The following XKRX variants were observed in gnomAD, a reference collection of about 807,000 sequenced individuals.
XKRX encodes XK-related protein 2.
Under a neutral mutation model 22.4 loss-of-function variants are expected in XKRX, and 11 were observed. That is an observed-to-expected ratio of 0.49 (90% confidence interval 0.31 to 0.81). XKRX has a LOEUF of 0.81. Among genes scored for constraint, XKRX ranks in the 40% least tolerant of loss-of-function variants. XKRX has a pLI of 0.05. For missense variants in XKRX, 320 were observed against 336.5 expected (o/e 0.95, Z 0.38); for synonymous variants, 114 against 132.2 (o/e 0.86, Z 0.94).
At position 100,914,727 on chromosome X, in the gene XKRX, C is replaced by T; in HGVS notation, c.961G>A (p.Gly321Ser). Residue 321 changes from glycine to serine, a missense_variant, in exon 3 of 3, where the codon GGC becomes AGC. Physicochemically the swap from Gly to Ser is moderately conservative, Grantham distance 56 (BLOSUM62 0). Transcript: ENST00000372956. ...GCTGACCAGCAAGAGAAGTTGATGCCAGCATAGAGGATGGTGACTGAAATC... is the reference window on the plus strand; with the variant it reads ...GCTGACCAGCAAGAGAAGTTGATGCTAGCATAGAGGATGGTGACTGAAATC... ...VLISVTILYA[G>S]INFSCWSALQ... is the part of the protein sequence containing the mutation. 8.3e-7 allele frequency: 1 copy of T among 1,211,782 alleles called. No homozygotes were observed.
At chrX:100,906,791 T>C in the XKRX span, among the ~76,000 whole-genome samples, 123 of 111,626 alleles carry the variant, frequency 1.1e-3, no homozygotes, top group Non-Finnish European at 2.1e-3. Context: ...GGAGGTTCTA[T>C]GAGAGAATAT....
At chrX:100,915,707 T>C (rs866531680) in intron 2 of XKRX, among the ~76,000 whole-genome samples, 2 of 94,873 alleles carry the variant, frequency 2.1e-5, no homozygotes, top group Non-Finnish European at 3.9e-5. Flanking sequence ...TGTGTGTGTG[T>C]GCGTGTGTGT....
the XKRX span, among the ~76,000 whole-genome samples, chrX:100,891,780 A>AAAGAAAGAAAGAAAGAAAGAAAGG: frequency 9.4e-6 from 1 of 106,193 alleles, no homozygotes; most frequent in African/African-American, 3.4e-5. Context: ...AGAAAGAAAG[A>AAAGAAAGAAAGAAAGAAAGAAAGG]AAGAAAGAAA....
At chrX:100,917,674 A>AAAAAGAAAG (rs2085448567) in intron 2 of XKRX, among the ~76,000 whole-genome samples, 1 of 25,413 alleles carries the variant, frequency 3.9e-5, no homozygotes, top group Non-Finnish European at 6.9e-5. Context: ...AGAAAGAAAG[A>AAAAAGAAAG]AAAGAAAGAA....
chrX:100,900,128 C>G, the XKRX span, among the ~76,000 whole-genome samples: 1 of 112,060 alleles, frequency 8.9e-6, no homozygotes, highest in Non-Finnish European at 1.9e-5. Context: ...GAGGCACAAT[C>G]TCAGCTCACT....
chrX:100,888,432 A>C, the XKRX span: 2 of 997,617 alleles, frequency 2.0e-6, no homozygotes, highest in Non-Finnish European at 2.8e-6. Context: ...AAGCCCCTGG[A>C]GCGCTTGGTG....
At chrX:100,949,699 A>G in the XKRX span, among the ~76,000 whole-genome samples, 1 of 111,491 alleles carries the variant, frequency 9.0e-6, no homozygotes, top group Admixed American at 9.6e-5. Context: ...ACAACACAAT[A>G]CCTAAAATGT....
In XKRX at chrX:100,914,548, A is replaced by G. The variant is rs777158842; in HGVS notation, c.1140T>C (p.His380=). ...TAATGAGCTGCAAGGCAATCAAGGA[A>G]TGACAGTAATTCAGTAACACTTTCA... ...FGVKVLLNYC[H]SLIALQLIIA... Residue 380 remains histidine (H), a synonymous_variant, in exon 3 of 3, where the codon CAT becomes CAC. Coordinates refer to ENST00000372956, the MANE Select transcript of XKRX (RefSeq NM_212559.3). 8.3e-7 allele frequency: 1 copy of G among 1,211,967 alleles called. No individual in the cohort carries two copies. The highest frequency in any genetic ancestry group is 2.2e-5 in the Admixed American group (1 of 46,060).
intron 1 of XKRX, among the ~76,000 whole-genome samples, chrX:100,923,757 G>A (rs1029519550): frequency 9.0e-6 from 1 of 110,627 alleles, no homozygotes; most frequent in African/African-American, 3.3e-5. Context: ...CCTCAAATTC[G>A]TGAGGTAAAG....
chrX:100,912,636 G>C (rs2085410867), downstream of XKRX, among the ~76,000 whole-genome samples: 1 of 111,664 alleles, frequency 9.0e-6, no homozygotes, highest in Non-Finnish European at 1.9e-5. Context: ...TGTTGTGGTG[G>C]CCACGACTAG....
downstream of XKRX, chrX:100,910,867 G>A (rs1247211494): frequency 1.8e-5 from 13 of 723,839 alleles, no homozygotes; most frequent in African/African-American, 1.5e-4. Flanking sequence ...ACCATAAACC[G>A]TGCCATGCTG....
chrX:100,919,836 G>A (rs1185674043), intron 2 of XKRX, among the ~76,000 whole-genome samples: 3 of 111,471 alleles, frequency 2.7e-5, no homozygotes, highest in African/African-American at 6.5e-5. Context: ...GAGTTATTTG[G>A]CAATATCAAT....
chrX:100,917,143 CA>C (rs1376719227), intron 2 of XKRX, among the ~76,000 whole-genome samples: 1 of 108,782 alleles, frequency 9.2e-6, no homozygotes, highest in African/African-American at 3.4e-5. Flanking sequence ...AAAAATTAGC[CA>C]GGCATGATGG....
intron 2 of XKRX, among the ~76,000 whole-genome samples, chrX:100,919,043 T>C (rs2085459074): frequency 8.9e-6 from 1 of 111,807 alleles, no homozygotes; most frequent in South Asian, 3.7e-4. Flanking sequence ...TTTACTGAGG[T>C]ACATGTTAAA....
the XKRX span, among the ~76,000 whole-genome samples, chrX:100,899,125 T>A: frequency 8.9e-6 from 1 of 112,419 alleles, no homozygotes; most frequent in South Asian, 3.6e-4. Context: ...ATGGCCCATA[T>A]GTATACAAGA....
chrX:100,922,326 C>G (rs2085477268), intron 2 of XKRX, among the ~76,000 whole-genome samples: 1 of 112,157 alleles, frequency 8.9e-6, no homozygotes, highest in Admixed American at 9.4e-5. Context: ...TTGGGAACCT[C>G]TTATTAAAGA....
chrX:100,907,459 C>G, the XKRX span, among the ~76,000 whole-genome samples: 1 of 111,984 alleles, frequency 8.9e-6, no homozygotes, highest in African/African-American at 3.2e-5. Context: ...CTTGGCCTCC[C>G]AAAGTGCTGG....
At chrX:100,956,764 G>C in the XKRX span, 1 of 556,265 alleles carries the variant, frequency 1.8e-6, no homozygotes, top group East Asian at 3.3e-5. Flanking sequence ...AAGAACTGAA[G>C]CACTTGTACA....
chrX:100,948,881 T>C, the XKRX span, among the ~76,000 whole-genome samples: 2 of 112,386 alleles, frequency 1.8e-5, no homozygotes, highest in African/African-American at 6.5e-5. Context: ...GCCCTCCAGT[T>C]TCCCCACTGG....
Sources: gnomAD v4.1 joint callset for allele counts (sites outside exome capture counted in the v4.1 genomes callset) on GRCh38, gnomAD v4.1.1 for gene constraint, MANE v1.5 for transcripts, NCBI Gene and HGNC (gene_info 2026-07-23, HGNC 2026-07-21) for gene names.